AVL9: variants seen among roughly 807,000 people sequenced by gnomAD.
AVL9 encodes the protein AVL9 cell migration associated, also known as late secretory pathway protein AVL9 homolog.
AVL9 carries 49 observed loss-of-function variants against 79.2 expected under a neutral mutation model. The observed-to-expected ratio is 0.62, with a 90% confidence interval of 0.49 to 0.79. AVL9 has a LOEUF of 0.79. Ranked by LOEUF, AVL9 falls within the 30% of genes least tolerant of loss-of-function variation. The pLI, the probability that AVL9 is intolerant of heterozygous loss-of-function variation, is 0.00. For synonymous variants in AVL9, 299 were observed against 280.6 expected (o/e 1.07, Z -0.65); for missense variants, 682 against 776.8 (o/e 0.88, Z 1.45).
chr7:32,506,927 A>G (rs1403974902), intron 1 of AVL9, among the ~76,000 whole-genome samples: 1 of 152,142 alleles, frequency 6.6e-6, no homozygotes, highest in African/African-American at 2.4e-5. Context: ...AAAAACAAAG[A>G]TCAATATCCC....
chr7:32,545,364 C>CTTTTTTTTTTTTTT (rs10610945), intron 3 of AVL9, among the ~76,000 whole-genome samples: 9 of 73,350 alleles, frequency 1.2e-4, no homozygotes, highest in Non-Finnish European at 2.1e-4. Context: ...TCTAAGATTT[C>CTTTTTTTTTTTTTT]TTTTTTTTTT....
chr7:32,558,688 T>C, intron 9 of AVL9, 60 bp downstream of exon 9: 1 of 1,391,136 alleles, frequency 7.2e-7, no homozygotes, highest in Non-Finnish European at 9.9e-7. Context: ...ACCTAAACTT[T>C]TAGAAATAAA....
At position 32,573,304 on chromosome 7, in the gene AVL9, G is replaced by T; in HGVS notation, c.1456G>T (p.Glu486Ter). The change falls in exon 12 of 16, where the codon GAG becomes TAG. Residue 486 changes from glutamate to a stop codon, truncating the protein, a stop_gained. Coordinates refer to ENST00000318709, the MANE Select transcript of AVL9 (RefSeq NM_015060.3). LOFTEE classifies it high-confidence loss of function. ...AGACTACCTAGTGAGGCACGTGACT[G>T]AGAATCGGGATGACGTCTTCCTAGA... ...FADYLVRHVT[E>*]NRDDVFLDGT... 6.2e-7 allele frequency: 1 copy of T among 1,613,864 alleles called. No homozygotes were observed. The highest frequency in any genetic ancestry group is 8.5e-7 in the Non-Finnish European group (1 of 1,179,988).
At chr7:32,556,850 C>CT (rs1790087467) in intron 8 of AVL9, among the ~76,000 whole-genome samples, 1 of 152,140 alleles carries the variant, frequency 6.6e-6, no homozygotes, top group Non-Finnish European at 1.5e-5. Flanking sequence ...ACTGCAACCT[C>CT]TAACTCCCAG....
intron 1 of AVL9, among the ~76,000 whole-genome samples, chr7:32,496,226 G>A (rs970297194): frequency 6.6e-6 from 1 of 152,186 alleles, no homozygotes; most frequent in African/African-American, 2.4e-5. Flanking sequence ...GGCTCAGTGG[G>A]CTTGCATACT....
intron 10 of AVL9, chr7:32,562,608 G>A: frequency 3.0e-6 from 3 of 984,354 alleles, no homozygotes; most frequent in African/African-American, 1.7e-5. Context: ...AGATGAAGCA[G>A]TCAACTTCAC....
At chr7:32,547,942 C>G (rs181558935) in intron 3 of AVL9, among the ~76,000 whole-genome samples, 4 of 152,292 alleles carry the variant, frequency 2.6e-5, no homozygotes, top group East Asian at 1.9e-4. Context: ...TGAGGTTAAT[C>G]AAATGAAGAT....
chr7:32,510,891 C>T (rs959751361), intron 1 of AVL9, among the ~76,000 whole-genome samples: 6 of 139,632 alleles, frequency 4.3e-5, no homozygotes, highest in African/African-American at 1.6e-4. Flanking sequence ...ACAGTCCTGG[C>T]ACTTCTGAAC....
chr7:32,583,289 C>T (rs76704622), intron 15 of AVL9, among the ~76,000 whole-genome samples: 1,984 of 152,250 alleles, frequency 0.013, 20 homozygotes, highest in Non-Finnish European at 0.018. Flanking sequence ...TAGGTGCCTA[C>T]GCTAAAAAAT....
intron 10 of AVL9, chr7:32,562,586 AG>A: frequency 1.0e-6 from 1 of 964,268 alleles, no homozygotes; most frequent in Non-Finnish European, 1.2e-6. Flanking sequence ...TCTTAATGTC[AG>A]TAATGCATTA....
intron 7 of AVL9, 23 bp downstream of exon 7, chr7:32,553,790 A>G (rs1313872377): frequency 1.3e-6 from 2 of 1,582,796 alleles, no homozygotes; most frequent in South Asian, 2.2e-5. Flanking sequence ...ATTTAAATAA[A>G]TTTATGATGT....
chr7:32,573,844 T>A (rs528594490), intron 12 of AVL9, among the ~76,000 whole-genome samples: 3 of 152,158 alleles, frequency 2.0e-5, no homozygotes, highest in Non-Finnish European at 4.4e-5. Context: ...ATATAAAAAA[T>A]AGAAATCATT....
At chr7:32,552,928 A>G (rs1789899331) in intron 6 of AVL9, among the ~76,000 whole-genome samples, 1 of 152,144 alleles carries the variant, frequency 6.6e-6, no homozygotes, top group Admixed American at 6.6e-5. Context: ...CAGGTTAGGG[A>G]TTTTTGTTTA....
intron 1 of AVL9, among the ~76,000 whole-genome samples, chr7:32,520,982 A>C (rs1351310109): frequency 6.6e-6 from 1 of 151,954 alleles, no homozygotes; most frequent in Non-Finnish European, 1.5e-5. Context: ...TGGGTTTATC[A>C]AGGGTTTCTG....
chr7:32,513,438 G>T (rs559388939), intron 1 of AVL9, among the ~76,000 whole-genome samples: 2 of 152,148 alleles, frequency 1.3e-5, no homozygotes, highest in African/African-American at 2.4e-5. Context: ...TAAAACCTCC[G>T]CAACCCCTTG....
chr7:32,574,309 G>C (rs149330021), intron 12 of AVL9, among the ~76,000 whole-genome samples: 4 of 152,132 alleles, frequency 2.6e-5, no homozygotes, highest in African/African-American at 4.8e-5. Context: ...AGTAGGTTTC[G>C]GGAGAGTTTT....
chr7:32,530,199 G>C (rs889729589), intron 1 of AVL9, among the ~76,000 whole-genome samples: 3 of 152,042 alleles, frequency 2.0e-5, no homozygotes, highest in Non-Finnish European at 4.4e-5. Context: ...TGGAACTTAG[G>C]GTAATATAAG....
intron 13 of AVL9, among the ~76,000 whole-genome samples, chr7:32,576,659 G>A (rs540647288): frequency 6.6e-5 from 10 of 152,056 alleles, no homozygotes; most frequent in Non-Finnish European, 7.4e-5. Context: ...GGTAGTGGGC[G>A]CCTGTAATCC....
rs775841611 is a variant in AVL9, at chr7:32,548,862, C to G, written c.316C>G (p.Gln106Glu). The change falls in exon 4 of 16, where the codon CAA becomes GAA. Residue 106 changes from glutamine to glutamate, a missense_variant. Physicochemically the swap from Gln to Glu is conservative, Grantham distance 29 (BLOSUM62 2). Coordinates refer to ENST00000318709, the MANE Select transcript of AVL9 (RefSeq NM_015060.3). ...TTCATAATAGGCACTGAAAGTAAGG[C>G]AAGCAGATATCACCAGAGAGACTGT... ...QIEAKALKVR[Q>E]ADITRETVQK... 1 of 1,573,766 alleles carries G rather than the reference C, an allele frequency of 6.4e-7. No homozygotes were observed. The highest frequency in any genetic ancestry group is 1.4e-5 in the African/African-American group (1 of 73,260).
Sources: gnomAD v4.1 joint callset for allele counts (sites outside exome capture counted in the v4.1 genomes callset) on GRCh38, gnomAD v4.1.1 for gene constraint, MANE v1.5 for transcripts, NCBI Gene and HGNC (gene_info 2026-07-23, HGNC 2026-07-21) for gene names.